Variants in TNFSF13 observed in about 807,000 individuals in gnomAD.
The protein encoded by TNFSF13 is tumor necrosis factor ligand superfamily member 13.
A neutral mutation model predicts 30.7 loss-of-function variants in TNFSF13; 18 were observed. That is an observed-to-expected ratio of 0.59 (90% confidence interval 0.41 to 0.87). TNFSF13 has a LOEUF of 0.87. Ranked by LOEUF, TNFSF13 falls within the 40% of genes least tolerant of loss-of-function variation. TNFSF13 has a pLI of 0.00. For missense variants in TNFSF13, 286 were observed against 308.8 expected, an observed-to-expected ratio of 0.93 and a Z score of 0.55; for synonymous variants, 116 against 123.2, an observed-to-expected ratio of 0.94 and a Z score of 0.39.
At chr17:7,560,318 C>T (rs1030509949) in intron 4 of TNFSF13, 32 bp from the exon 5 acceptor site, 15 of 1,612,350 alleles carry the variant, frequency 9.3e-6, no homozygotes, top group Non-Finnish European at 1.0e-5. Flanking sequence ...CCAGGCCATC[C>T]TGTTTTCTTC....
In TNFSF13 at chr17:7,558,983, G is replaced by A. The variant is rs953618947; in HGVS notation, c.-57G>A. 1.3e-5 allele frequency: 19 copies of A among 1,470,802 alleles called. No individual in the cohort carries two copies. The highest frequency in any genetic ancestry group is 4.7e-5 in the Admixed American group (2 of 42,878). 91.1% of individuals were successfully genotyped at this position (1,470,802 alleles called of 1,614,324 possible). A position where few individuals can be genotyped will look rare whatever the true frequency, so the allele number is the denominator to read the frequency against. On this transcript the variant is annotated 5_prime_UTR_variant, in exon 1 of 6. Transcript: ENST00000338784. The surrounding 1 kb of genome is among the most constrained non-coding windows in gnomAD (Gnocchi z 4.3). ...CACTGCCCGTACCCTTACCCGCCCC[G>A]CCACCTCCTTGCTACCCCACTCTTG...
chr17:7,560,669 C>A, intron 5 of TNFSF13, 55 bp from the exon 6 acceptor site: 1 of 1,613,246 alleles, frequency 6.2e-7, no homozygotes. Flanking sequence ...CAGGGGGAAA[C>A]AGGGCATCTG....
chr17:7,560,669 CAG>C (rs1363239311), intron 5 of TNFSF13, 53 bp from the exon 6 acceptor site: 13 of 1,613,128 alleles, frequency 8.1e-6, no homozygotes, highest in African/African-American at 4.0e-5. Flanking sequence ...CAGGGGGAAA[CAG>C]GGCATCTGGA....
Position 7,559,539 on chromosome 17 carries a change from T to C in TNFSF13, c.259-85T>C. Reference sequence around the variant, plus strand: ...AAAGGTGCGTGAGAGATCTGAGGCATCTCGGGGGCAGGGGAGGGCTGGGAA... The same window carrying C: ...AAAGGTGCGTGAGAGATCTGAGGCACCTCGGGGGCAGGGGAGGGCTGGGAA... On this transcript the variant is annotated intron_variant, in intron 1 of 5. Coordinates refer to ENST00000338784, the MANE Select transcript of TNFSF13 (RefSeq NM_003808.4). The surrounding 1 kb of genome is among the most constrained non-coding windows in gnomAD (Gnocchi z 5.4). 6.5e-7 allele frequency: 1 copy of C among 1,526,912 alleles called. No homozygotes were observed. The highest frequency in any genetic ancestry group is 8.9e-7 in the Non-Finnish European group (1 of 1,127,822). The allele number at this position is 1,526,912 out of a possible 1,614,324, so 94.6% of individuals were successfully genotyped here.
In TNFSF13 at chr17:7,559,258, G is replaced by A. The variant is rs751568083; in HGVS notation, c.219G>A (p.Gln73=). ...TGCAGGGGACAGGAGGCCCCTCCCA[G>A]AATGGGGAAGGGTATCCCTGGCAGA... ...SRLQGTGGPS[Q]NGEGYPWQSL... is the part of the protein sequence containing the mutation. Residue 73 remains glutamine (Q), a synonymous_variant, in exon 1 of 6, where the codon CAG becomes CAA. Coordinates refer to ENST00000338784, the MANE Select transcript of TNFSF13 (RefSeq NM_003808.4). The surrounding 1 kb of genome is among the most constrained non-coding windows in gnomAD (Gnocchi z 5.4). 2.5e-6 allele frequency: 4 copies of A among 1,609,078 alleles called. No individual in the cohort carries two copies. In the African/African-American group the frequency reaches 4.0e-5, roughly 16 times the overall value.
chr17:7,560,099 A>G lies in TNFSF13; in HGVS notation c.436A>G (p.Arg146Gly). 6.2e-7 allele frequency: 1 copy of G among 1,614,158 alleles called. No homozygotes were observed. Among genetic ancestry groups the G allele is most frequent in the Non-Finnish European group, 8.5e-7 (1 of 1,180,014 alleles). ...GTGGCAACCAGCTCTTAGGCGTGGGAGAGGCCTACAGGCCCAAGGATATGG... is the reference window on the plus strand; with the variant it reads ...GTGGCAACCAGCTCTTAGGCGTGGGGGAGGCCTACAGGCCCAAGGATATGG... Reference protein sequence around the residue: ...VMWQPALRRGRGLQAQGYGVR... With the variant: ...VMWQPALRRGGGLQAQGYGVR... Residue 146 changes from arginine to glycine, a missense_variant, in exon 4 of 6, where the codon AGA becomes GGA. Physicochemically the swap from Arg to Gly is moderately radical, Grantham distance 125. Transcript: ENST00000338784.
In TNFSF13 at chr17:7,561,248, G is replaced by A. The variant is rs1272845701; in HGVS notation, c.*415G>A. On this transcript the variant is annotated 3_prime_UTR_variant, in exon 6 of 6. Transcript: ENST00000338784. The surrounding 1 kb of genome is among the most constrained non-coding windows in gnomAD (Gnocchi z 4.4). ...CTCCATGCCACACCTCTCTCCAGGTGCCCTCTGCCTCTTCACCCCACAAGA... is the reference window on the plus strand; with the variant it reads ...CTCCATGCCACACCTCTCTCCAGGTACCCTCTGCCTCTTCACCCCACAAGA... The A allele has an allele frequency of 5.0e-6, 3 of 599,904 alleles. No homozygotes were observed. The East Asian group carries it at 8.5e-5, about 17-fold the overall frequency. The allele number at this position is 599,904 out of a possible 1,614,324, so 37.2% of individuals were successfully genotyped here. A position where few individuals can be genotyped will look rare whatever the true frequency, so the allele number is the denominator to read the frequency against.
Position 7,560,042 on chromosome 17 carries a change from C to T in TNFSF13, c.386-7C>T. On this transcript the variant is annotated splice_region_variant and splice_polypyrimidine_tract_variant and intron_variant, in intron 3 of 5. Coordinates refer to ENST00000338784, the MANE Select transcript of TNFSF13 (RefSeq NM_003808.4). Reference sequence around the variant, plus strand: ...AGAAGTCCTGACCGACACACTCTCACCTCCAGATGACTCCGATGTGACAGA... The same window carrying T: ...AGAAGTCCTGACCGACACACTCTCATCTCCAGATGACTCCGATGTGACAGA... 1.2e-6 allele frequency: 2 copies of T among 1,614,134 alleles called. No homozygotes were observed. Among genetic ancestry groups the T allele is most frequent in the Non-Finnish European group, 1.7e-6 (2 of 1,180,004 alleles).
Position 7,559,431 on chromosome 17 carries a change from G to A in TNFSF13, c.258+134G>A. 7.1e-7 allele frequency: 1 copy of A among 1,417,328 alleles called. No homozygotes were observed. Among genetic ancestry groups the A allele is most frequent in the Non-Finnish European group, 9.4e-7 (1 of 1,067,724 alleles). 87.8% of individuals were successfully genotyped at this position (1,417,328 alleles called of 1,614,324 possible). Reference sequence around the variant, plus strand: ...GAAGTCAGGGGCGCGGCCATTCCAGGAAAGGAAACTGTTAAAGGTTAATGC... The same window carrying A: ...GAAGTCAGGGGCGCGGCCATTCCAGAAAAGGAAACTGTTAAAGGTTAATGC... On this transcript the variant is annotated intron_variant, in intron 1 of 5. Transcript: ENST00000338784. This position sits in a 1 kb window ranked among gnomAD's most constrained non-coding sequence, Gnocchi z 5.4.
In TNFSF13 at chr17:7,560,445, G is replaced by A. The variant is rs776150190; in HGVS notation, c.600G>A (p.Met200Ile). 6.2e-7 allele frequency: 1 copy of A among 1,614,060 alleles called. No homozygotes were observed. Reference protein sequence around the residue: ...QETLFRCIRSMPSHPDRAYNS... With the variant: ...QETLFRCIRSIPSHPDRAYNS... ...CTCTATTCCGATGTATAAGAAGTAT[G>A]CCCTCCCACCCGGACCGGGCCTACA... The change falls in exon 5 of 6, where the codon ATG (methionine) becomes ATA (isoleucine). Residue 200 changes from methionine (M) to isoleucine (I), a missense_variant. By Grantham distance (10) the Met-to-Ile change is conservative. Transcript: ENST00000338784.
In TNFSF13 at chr17:7,560,757, G is replaced by A. The variant is rs1322819735; in HGVS notation, c.677G>A (p.Ser226Asn). The A allele has an allele frequency of 6.8e-6, 11 of 1,614,084 alleles. No homozygotes were observed. Among genetic ancestry groups the A allele is most frequent in the Non-Finnish European group, 7.6e-6 (9 of 1,180,040 alleles). The stretch of plus-strand genomic sequence containing the variant: ...CATTTACACCAAGGGGATATTCTGA[G>A]TGTCATAATTCCCCGGGCAAGGGCG... The part of the protein sequence containing the change: ...VFHLHQGDIL[S>N]VIIPRARAKL... Residue 226 changes from serine (S) to asparagine (N), a missense_variant, in exon 6 of 6, where the codon AGT becomes AAT. Coordinates refer to ENST00000338784, the MANE Select transcript of TNFSF13 (RefSeq NM_003808.4).
At position 7,559,442 on chromosome 17, in the gene TNFSF13, G is replaced by A; in HGVS notation, c.258+145G>A. ...CGCGGCCATTCCAGGAAAGGAAACT[G>A]TTAAAGGTTAATGCTTCTCATACCT... On this transcript the variant is annotated intron_variant, in intron 1 of 5. Coordinates refer to ENST00000338784, the MANE Select transcript of TNFSF13 (RefSeq NM_003808.4). The surrounding 1 kb of genome is among the most constrained non-coding windows in gnomAD (Gnocchi z 5.4). 1 of 1,404,208 alleles carries A rather than the reference G, an allele frequency of 7.1e-7. No individual in the cohort carries two copies. The highest frequency in any genetic ancestry group is 9.5e-7 in the Non-Finnish European group (1 of 1,054,360). The allele number at this position is 1,404,208 out of a possible 1,614,324, so 87.0% of individuals were successfully genotyped here.
upstream of TNFSF13, chr17:7,558,286 G>C (rs911082042): frequency 6.6e-6 from 1 of 152,266 alleles, no homozygotes. The surrounding 1 kb of genome is among the most constrained non-coding windows in gnomAD (Gnocchi z 4.3). Context: ...GCAGGCACAC[G>C]GGAACCCGGA....
At chr17:7,558,729 C>T (rs976076962), upstream of TNFSF13, 10 of 211,928 alleles carry the variant, frequency 4.7e-5, no homozygotes, top group Non-Finnish European at 9.3e-5. The surrounding 1 kb of genome is among the most constrained non-coding windows in gnomAD (Gnocchi z 4.3). Flanking sequence ...GGTTCCTGCG[C>T]ACTGCCTGTT....
At position 7,560,083 on chromosome 17, in the gene TNFSF13, A is replaced by G; in HGVS notation, c.420A>G (p.Pro140=). ...DSDVTEVMWQ[P]ALRRGRGLQA... is the part of the protein sequence containing the mutation. ...ATGTGACAGAGGTGATGTGGCAACC[A>G]GCTCTTAGGCGTGGGAGAGGCCTAC... Residue 140 remains proline (P), a synonymous_variant, in exon 4 of 6, where the codon CCA becomes CCG. Transcript: ENST00000338784. The G allele has an allele frequency of 6.2e-7, 1 of 1,614,176 alleles. No homozygotes were observed.
At position 7,559,183 on chromosome 17, in the gene TNFSF13, G is replaced by A; in HGVS notation, c.144G>A (p.Leu48=). 1.2e-6 allele frequency: 2 copies of A among 1,612,892 alleles called. No homozygotes were observed. The highest frequency in any genetic ancestry group is 1.3e-5 in the African/African-American group (1 of 75,054). The change falls in exon 1 of 6, where the codon CTG becomes CTA. Residue 48 remains leucine (L), a synonymous_variant. Coordinates refer to ENST00000338784, the MANE Select transcript of TNFSF13 (RefSeq NM_003808.4). This position sits in a 1 kb window ranked among gnomAD's most constrained non-coding sequence, Gnocchi z 5.4. The part of the protein sequence containing the change: ...ALGAVACAMA[L]LTQQTELQSL... ...GGGCCGTGGCTTGTGCCATGGCTCT[G>A]CTGACCCAACAAACAGAGCTGCAGA...
chr17:7,558,905 T>C lies in TNFSF13; in HGVS notation c.-135T>C. ...TGCTTTCCTCCTCCCTCCTTTTTATTTTCAAGTTCCTTTTTATTTCTCCTT... is the reference window on the plus strand; with the variant it reads ...TGCTTTCCTCCTCCCTCCTTTTTATCTTCAAGTTCCTTTTTATTTCTCCTT... On this transcript the variant is annotated 5_prime_UTR_variant, in exon 1 of 6. Transcript: ENST00000338784. The surrounding 1 kb of genome is among the most constrained non-coding windows in gnomAD (Gnocchi z 4.3). The C allele has an allele frequency of 9.0e-7, 1 of 1,111,902 alleles. No individual in the cohort carries two copies. The highest frequency in any genetic ancestry group is 2.3e-5 in the South Asian group (1 of 43,658). The allele number at this position is 1,111,902 out of a possible 1,614,324, so 68.9% of individuals were successfully genotyped here. A position where few individuals can be genotyped will look rare whatever the true frequency, so the allele number is the denominator to read the frequency against.
At position 7,561,300 on chromosome 17, in the gene TNFSF13, T is replaced by C. The variant is rs900188375; in HGVS notation, c.*467T>C. On this transcript the variant is annotated 3_prime_UTR_variant, in exon 6 of 6. Transcript: ENST00000338784. This position sits in a 1 kb window ranked among gnomAD's most constrained non-coding sequence, Gnocchi z 4.4. Reference sequence around the variant, plus strand: ...GCCTTATCCTACGTCCTTCTCTCCATCTATCGGACCCCAGTTTCCATCACT... The same window carrying C: ...GCCTTATCCTACGTCCTTCTCTCCACCTATCGGACCCCAGTTTCCATCACT... 10 of 509,608 alleles carry C rather than the reference T, an allele frequency of 2.0e-5. No homozygotes were observed. The South Asian group carries it at 2.3e-4, about 12-fold the overall frequency. 31.6% of individuals were successfully genotyped at this position (509,608 alleles called of 1,614,324 possible). A position where few individuals can be genotyped will look rare whatever the true frequency, so the allele number is the denominator to read the frequency against.
rs1237210165 is a variant in TNFSF13, at chr17:7,558,911, GTTCC to G, written c.-126_-123del. 2 of 1,130,772 alleles carry G rather than the reference GTTCC, an allele frequency of 1.8e-6. No individual in the cohort carries two copies. Among genetic ancestry groups the G allele is most frequent in the African/African-American group, 3.2e-5 (2 of 63,162 alleles). 70.0% of individuals were successfully genotyped at this position (1,130,772 alleles called of 1,614,324 possible). On this transcript the variant is annotated 5_prime_UTR_variant, in exon 1 of 6. Transcript: ENST00000338784. The surrounding 1 kb of genome is among the most constrained non-coding windows in gnomAD (Gnocchi z 4.3). ...CCTCCTCCCTCCTTTTTATTTTCAA[GTTCC>G]TTTTTATTTCTCCTTGCGTAACAAC...
Sources: allele counts gnomAD v4.1 joint callset, GRCh38; gene constraint gnomAD v4.1.1; non-coding constraint Gnocchi (gnomAD v3.1); transcripts MANE v1.5; gene names NCBI Gene and HGNC (gene_info 2026-07-23, HGNC 2026-07-21).